The following SCHIP1 variants were observed in gnomAD, a reference collection of about 807,000 sequenced individuals.
The protein encoded by SCHIP1 is schwannomin interacting protein 1.
In SCHIP1, 8 loss-of-function variants were observed where a neutral mutation model predicts 29.7. The ratio of observed to expected loss-of-function variants is 0.27; its 90% CI spans 0.16 to 0.49. The LOEUF (loss-of-function observed/expected upper bound fraction) is 0.49. Among genes scored for constraint, SCHIP1 ranks in the 20% least tolerant of loss-of-function variants. The probability of loss-of-function intolerance (pLI) is 0.99; values close to 1 mark genes in which losing one functional copy is unlikely to be tolerated. For missense variants in SCHIP1, 193 were observed against 294.6 expected (o/e 0.66, Z 2.52); for synonymous variants, 76 against 94.9 (o/e 0.80, Z 1.16).
At chr3:159,291,882 A>G in the SCHIP1 span, among the ~76,000 whole-genome samples, 2 of 152,156 alleles carry the variant, frequency 1.3e-5, no homozygotes, top group Non-Finnish European at 2.9e-5. Context: ...GATGAAAAAT[A>G]AAATTATTTT....
chr3:159,414,049 C>T, the SCHIP1 span, among the ~76,000 whole-genome samples: 11 of 152,222 alleles, frequency 7.2e-5, no homozygotes, highest in South Asian at 1.9e-3. Flanking sequence ...TCTTTGTGGG[C>T]GTTATGTGAA....
chr3:159,630,735 G>A, the SCHIP1 span, among the ~76,000 whole-genome samples: 3 of 152,148 alleles, frequency 2.0e-5, no homozygotes, highest in African/African-American at 7.2e-5. Flanking sequence ...AGGGAGGGAG[G>A]TGAGGGATAA....
chr3:159,382,623 G>A, the SCHIP1 span, among the ~76,000 whole-genome samples: 1 of 151,902 alleles, frequency 6.6e-6, no homozygotes, highest in African/African-American at 2.4e-5. Context: ...TATATACCCA[G>A]TAATGGGATG....
the SCHIP1 span, among the ~76,000 whole-genome samples, chr3:159,509,498 G>T: frequency 2.0e-5 from 3 of 152,152 alleles, no homozygotes; most frequent in Non-Finnish European, 1.5e-5. Context: ...GTGTGAATTT[G>T]ATCCTGTCAT....
the SCHIP1 span, among the ~76,000 whole-genome samples, chr3:159,758,685 T>G: frequency 6.6e-6 from 1 of 152,248 alleles, no homozygotes; most frequent in Non-Finnish European, 1.5e-5. Flanking sequence ...TTGTGCAGAT[T>G]GTACACTGCA....
the SCHIP1 span, among the ~76,000 whole-genome samples, chr3:159,624,418 C>T: frequency 2.6e-4 from 40 of 152,240 alleles, no homozygotes; most frequent in Admixed American, 1.4e-3. Context: ...TTGCCTTTAA[C>T]GGGCAAAGGT....
the SCHIP1 span, among the ~76,000 whole-genome samples, chr3:159,833,799 C>G: frequency 6.6e-6 from 1 of 152,186 alleles, no homozygotes; most frequent in Non-Finnish European, 1.5e-5. Flanking sequence ...TACCCCAACC[C>G]TCTCAGAATC....
chr3:159,410,200 C>G, the SCHIP1 span, among the ~76,000 whole-genome samples: 1 of 151,964 alleles, frequency 6.6e-6, no homozygotes, highest in Non-Finnish European at 1.5e-5. Flanking sequence ...GGGAAACTCT[C>G]CAAGACATTA....
the SCHIP1 span, among the ~76,000 whole-genome samples, chr3:159,523,546 T>C: frequency 6.6e-6 from 1 of 152,172 alleles, no homozygotes; most frequent in South Asian, 2.1e-4. Flanking sequence ...TGATAGTGTA[T>C]GTCTGTAAAT....
the SCHIP1 span, among the ~76,000 whole-genome samples, chr3:159,500,897 T>C: frequency 6.6e-6 from 1 of 152,180 alleles, no homozygotes; most frequent in Non-Finnish European, 1.5e-5. Context: ...TTGTCTATTT[T>C]CCAATTAAAA....
At chr3:159,300,402 T>C in the SCHIP1 span, among the ~76,000 whole-genome samples, 1 of 151,992 alleles carries the variant, frequency 6.6e-6, no homozygotes, top group African/African-American at 2.4e-5. Flanking sequence ...AACACTTCAA[T>C]AGGTTCTAAG....
the SCHIP1 span, among the ~76,000 whole-genome samples, chr3:159,633,921 C>CTAG: frequency 6.6e-6 from 1 of 151,912 alleles, no homozygotes; most frequent in African/African-American, 2.4e-5. Flanking sequence ...CATACATGGA[C>CTAG]CTACGCATAA....
At chr3:159,599,775 A>T in the SCHIP1 span, among the ~76,000 whole-genome samples, 130 of 152,158 alleles carry the variant, frequency 8.5e-4, no homozygotes, top group African/African-American at 3.0e-3. Context: ...GTACTGTTTG[A>T]GGCTTTCTCA....
chr3:159,680,687 GTATA>G, the SCHIP1 span, among the ~76,000 whole-genome samples: 1 of 47,318 alleles, frequency 2.1e-5, no homozygotes, highest in African/African-American at 1.4e-4. Context: ...TATAATATAT[GTATA>G]TATATAATAT....
At chr3:159,706,406 G>C in the SCHIP1 span, among the ~76,000 whole-genome samples, 4 of 152,156 alleles carry the variant, frequency 2.6e-5, no homozygotes, top group Admixed American at 6.5e-5. Flanking sequence ...ACTGGGCAGC[G>C]ATCAAACTAC....
chr3:159,555,364 G>A, the SCHIP1 span, among the ~76,000 whole-genome samples: 1 of 151,932 alleles, frequency 6.6e-6, no homozygotes, highest in Non-Finnish European at 1.5e-5. Context: ...ACTGTTATTT[G>A]GCCCTAGATA....
At chr3:159,760,810 G>A in the SCHIP1 span, among the ~76,000 whole-genome samples, 4 of 152,214 alleles carry the variant, frequency 2.6e-5, no homozygotes, top group Non-Finnish European at 5.9e-5. Flanking sequence ...AGAGTTTTAT[G>A]AAACTTTCTT....
chr3:159,706,690 T>C, the SCHIP1 span, among the ~76,000 whole-genome samples: 1 of 151,998 alleles, frequency 6.6e-6, no homozygotes, highest in East Asian at 1.9e-4. Flanking sequence ...AGTTGTAGGG[T>C]AAGGGAGAAC....
the SCHIP1 span, among the ~76,000 whole-genome samples, chr3:159,742,834 A>ATT: frequency 1.6e-3 from 174 of 110,804 alleles, 2 homozygotes; most frequent in African/African-American, 5.4e-3. Context: ...CGCCTAGCTA[A>ATT]TTTTTTTTTT....
Sources: allele counts gnomAD v4.1 joint callset (sites outside exome capture counted in the v4.1 genomes callset), GRCh38; gene constraint gnomAD v4.1.1; transcripts MANE v1.5; gene names NCBI Gene and HGNC (gene_info 2026-07-23, HGNC 2026-07-21).